The following CNTLN variants were observed in gnomAD, a reference collection of about 807,000 sequenced individuals.
CNTLN encodes the protein centlein, centrosomal protein.
In CNTLN, 212 loss-of-function variants were observed where a neutral mutation model predicts 180.0. That is an observed-to-expected ratio of 1.18 (90% confidence interval 1.05 to 1.32). The LOEUF (loss-of-function observed/expected upper bound fraction) is 1.32. CNTLN is among the 40% of genes most tolerant of loss of function. CNTLN has a pLI of 0.00. For synonymous variants in CNTLN, 722 were observed against 563.1 expected (o/e 1.28, Z -3.99); for missense variants, 2,095 against 1,610.9 (o/e 1.30, Z -5.14).
chr9:17,164,978 G>C (rs1819966675), intron 2 of CNTLN, among the ~76,000 whole-genome samples: 1 of 151,312 alleles, frequency 6.6e-6, no homozygotes, highest in Non-Finnish European at 1.5e-5. Flanking sequence ...TGGTATTACA[G>C]GTGCCTGCCA....
In CNTLN at chr9:17,170,481, C is replaced by G. The variant is rs147080152; in HGVS notation, c.449+27105C>G. On this transcript the variant is annotated intron_variant, in intron 2 of 25. Coordinates refer to ENST00000380647, the MANE Select transcript of CNTLN (RefSeq NM_017738.4). ...GATGGTGTTCCCTAAGTACTGTAGT[C>G]TTTCTTTACTTTTACATTCCTTTTT... 1.8e-4 allele frequency among the ~76,000 whole-genome samples: 27 copies of G among 152,052 alleles called. No homozygotes were observed. In the East Asian group the frequency reaches 3.7e-3, roughly 21 times the overall value.
chr9:17,284,665 G>C (rs1349678849), intron 6 of CNTLN, among the ~76,000 whole-genome samples: 1 of 151,870 alleles, frequency 6.6e-6, no homozygotes, highest in Non-Finnish European at 1.5e-5. Flanking sequence ...TATTAGTCTA[G>C]CTTGCAGTCT....
intron 8 of CNTLN, among the ~76,000 whole-genome samples, chr9:17,312,312 T>A (rs1220424416): frequency 6.9e-6 from 1 of 144,530 alleles, no homozygotes; most frequent in African/African-American, 2.5e-5. Flanking sequence ...TCCATTGTGG[T>A]CACAGGTAGT....
intron 18 of CNTLN, among the ~76,000 whole-genome samples, chr9:17,438,831 A>G (rs1217012242): frequency 6.6e-6 from 1 of 152,200 alleles, no homozygotes; most frequent in Non-Finnish European, 1.5e-5. Flanking sequence ...TACAAAAGAG[A>G]TAAGGTCCAA....
At chr9:17,135,447 C>A (rs1475874863) in intron 1 of CNTLN, 22 bp downstream of exon 1, 3 of 1,576,848 alleles carry the variant, frequency 1.9e-6, no homozygotes, top group Non-Finnish European at 1.7e-6. Flanking sequence ...TCTCGCAGTC[C>A]CCCTTTCCCC....
At chr9:17,437,986 A>G (rs1348642341) in intron 18 of CNTLN, among the ~76,000 whole-genome samples, 2 of 152,168 alleles carry the variant, frequency 1.3e-5, no homozygotes, top group East Asian at 3.8e-4. Context: ...CATTAGAAGA[A>G]AGGATAGCTT....
In CNTLN at chr9:17,330,736, G is replaced by A. The variant is rs369422192; in HGVS notation, c.1446G>A (p.Leu482=). 1 of 1,612,074 alleles carries A rather than the reference G, an allele frequency of 6.2e-7. No individual in the cohort carries two copies. Among genetic ancestry groups the A allele is most frequent in the East Asian group, 2.2e-5 (1 of 44,706 alleles). ...AACTAAAGATAGCAAATGAAAAACT[G>A]TCAGAAAACATATCTGCCAACAAGG... ...QEKLKIANEK[L]SENISANKGF... The change falls in exon 9 of 26, where the codon CTG becomes CTA. Residue 482 remains leucine (L), a synonymous_variant. Coordinates refer to ENST00000380647, the MANE Select transcript of CNTLN (RefSeq NM_017738.4).
chr9:17,236,422 G>T lies in CNTLN; in HGVS notation c.683G>T (p.Cys228Phe), dbSNP rs1230809762. 6.2e-7 allele frequency: 1 copy of T among 1,609,690 alleles called. No individual in the cohort carries two copies. The highest frequency in any genetic ancestry group is 1.3e-5 in the African/African-American group (1 of 74,508). ...KSQEIKDTKE[C>F]VQNKEEQNRL... ...ACTGTTCTACAGGACACTAAGGAGT[G>T]TGTACAGAACAAAGAAGAGCAAAAC... The change falls in exon 5 of 26, where the codon TGT (cysteine) becomes TTT (phenylalanine). Residue 228 changes from cysteine to phenylalanine, a missense_variant. Transcript: ENST00000380647.
At chr9:17,158,820 G>A (rs1189650606) in intron 2 of CNTLN, among the ~76,000 whole-genome samples, 2 of 151,760 alleles carry the variant, frequency 1.3e-5, no homozygotes, top group Non-Finnish European at 2.9e-5. Context: ...ACCAGCTTTT[G>A]GCTGTATTGT....
At chr9:17,383,917 C>A (rs1380429456) in intron 13 of CNTLN, among the ~76,000 whole-genome samples, 1 of 152,066 alleles carries the variant, frequency 6.6e-6, no homozygotes, top group African/African-American at 2.4e-5. Flanking sequence ...AGATTACAGG[C>A]GTGAGCCACC....
chr9:17,458,697 T>C (rs542278735), intron 19 of CNTLN, among the ~76,000 whole-genome samples: 3 of 152,038 alleles, frequency 2.0e-5, no homozygotes, highest in African/African-American at 7.2e-5. Flanking sequence ...TATTATTGCT[T>C]GAAAATAATT....
Position 17,265,059 on chromosome 9 carries a change from C to T in CNTLN, c.850-8674C>T, listed in dbSNP as rs1289690037. Among the ~76,000 whole-genome samples the T allele has an allele frequency of 1.6e-4, 23 of 146,528 alleles. No individual in the cohort carries two copies. The East Asian group carries it at 4.6e-3, about 30-fold the overall frequency. On this transcript the variant is annotated intron_variant, in intron 5 of 25. Coordinates refer to ENST00000380647, the MANE Select transcript of CNTLN (RefSeq NM_017738.4). ...CCTTCTCCTGCCTAATTGCCCTGGC[C>T]AGAACTTCCAACACTATGTTGAATA...
chr9:17,256,928 G>A (rs886139644), intron 5 of CNTLN, among the ~76,000 whole-genome samples: 1 of 151,698 alleles, frequency 6.6e-6, no homozygotes, highest in Non-Finnish European at 1.5e-5. Context: ...TGGGCCTAGT[G>A]CAGGAGCTCA....
intron 2 of CNTLN, among the ~76,000 whole-genome samples, chr9:17,214,517 C>G (rs1026792587): frequency 1.3e-5 from 2 of 152,152 alleles, no homozygotes; most frequent in African/African-American, 4.8e-5. Flanking sequence ...TTTGGTGAAT[C>G]TGACAATTAT....
intron 2 of CNTLN, among the ~76,000 whole-genome samples, chr9:17,185,228 C>T (rs1286578798): frequency 1.3e-5 from 2 of 152,144 alleles, no homozygotes. Flanking sequence ...TTAATTTCCA[C>T]GGAGGTTATC....
Position 17,353,745 on chromosome 9 carries a change from G to C in CNTLN, c.1886+11301G>C, listed in dbSNP as rs547381106. On this transcript the variant is annotated intron_variant, in intron 12 of 25. Coordinates refer to ENST00000380647, the MANE Select transcript of CNTLN (RefSeq NM_017738.4). Reference sequence around the variant, plus strand: ...TTCCTGAGTAGCTGGGATTACAGGCGTGTGCCACTGAGAGGTGACAGCGTG... The same window carrying C: ...TTCCTGAGTAGCTGGGATTACAGGCCTGTGCCACTGAGAGGTGACAGCGTG... 3.0e-4 allele frequency among the ~76,000 whole-genome samples: 46 copies of C among 152,116 alleles called. 1 individual carries two copies. The South Asian group carries it at 4.4e-3, about 14-fold the overall frequency.
Position 17,262,629 on chromosome 9 carries a change from C to T in CNTLN, c.850-11104C>T, listed in dbSNP as rs1047999363. On this transcript the variant is annotated intron_variant, in intron 5 of 25. Transcript: ENST00000380647. ...TACGACAAATACCTAATGCATATTT[C>T]GGGGTTAACACCTAGTTGATGGGTT... Among the ~76,000 whole-genome samples the T allele has an allele frequency of 5.3e-5, 8 of 150,668 alleles. No individual in the cohort carries two copies. In the East Asian group the frequency reaches 7.8e-4, roughly 15 times the overall value.
At chr9:17,496,268 G>T (rs536198904) in intron 25 of CNTLN, among the ~76,000 whole-genome samples, 5 of 152,078 alleles carry the variant, frequency 3.3e-5, no homozygotes, top group Non-Finnish European at 7.4e-5. Context: ...GTCATATCAG[G>T]CTGTTATCAC....
At chr9:17,401,215 G>T (rs1043870014) in intron 15 of CNTLN, among the ~76,000 whole-genome samples, 1 of 152,158 alleles carries the variant, frequency 6.6e-6, no homozygotes, top group Admixed American at 6.5e-5. Context: ...AAGTAGTAGA[G>T]TTCCTTTCAT....
Sources: allele counts gnomAD v4.1 joint callset (sites outside exome capture counted in the v4.1 genomes callset), GRCh38; gene constraint gnomAD v4.1.1; transcripts MANE v1.5; gene names NCBI Gene and HGNC (gene_info 2026-07-23, HGNC 2026-07-21).